DLGAP2: variants seen among roughly 807,000 people sequenced by gnomAD.
DLGAP2 encodes DLG associated protein 2.
Under a neutral mutation model 100.3 loss-of-function variants are expected in DLGAP2, and 26 were observed. The ratio of observed to expected loss-of-function variants is 0.26; its 90% CI spans 0.19 to 0.36. DLGAP2 has a LOEUF of 0.36. DLGAP2 is among the 10% of genes least tolerant of loss of function. The probability of loss-of-function intolerance (pLI) is 1.00; values close to 1 mark genes in which losing one functional copy is unlikely to be tolerated. For missense variants in DLGAP2, 1,858 were observed against 1,453.2 expected, an observed-to-expected ratio of 1.28 and a Z score of -4.53; for synonymous variants, 886 against 630.1, an observed-to-expected ratio of 1.41 and a Z score of -6.08.
chr8:1,666,098 G>A (rs1585045506), intron 8 of DLGAP2, among the ~76,000 whole-genome samples: 1 of 152,276 alleles, frequency 6.6e-6, no homozygotes, highest in East Asian at 1.9e-4. Flanking sequence ...TCCTAACCCA[G>A]GTCTCTCCCC....
At chr8:1,649,022 C>T (rs1219703761) in intron 8 of DLGAP2, among the ~76,000 whole-genome samples, 4 of 152,118 alleles carry the variant, frequency 2.6e-5, no homozygotes, top group Non-Finnish European at 4.4e-5. Context: ...GAACACATGT[C>T]TGGGGAGAGG....
chr8:1,200,188 A>G (rs111393270), intron 2 of DLGAP2, among the ~76,000 whole-genome samples: 8 of 152,106 alleles, frequency 5.3e-5, no homozygotes, highest in African/African-American at 1.9e-4. Context: ...TCTCCTCCCC[A>G]CCGTGCAGCA....
intron 2 of DLGAP2, among the ~76,000 whole-genome samples, chr8:1,166,323 ATAATTATCCTC>A (rs1366044295): frequency 6.6e-5 from 10 of 152,222 alleles, no homozygotes; most frequent in African/African-American, 2.4e-4. Flanking sequence ...GCCCCGGCCT[ATAATTATCCTC>A]TTCATTCAGG....
chr8:835,128 C>A (rs1796849754), intron 1 of DLGAP2, among the ~76,000 whole-genome samples: 1 of 152,174 alleles, frequency 6.6e-6, no homozygotes, highest in Admixed American at 6.5e-5. Context: ...GGGCTGCTTT[C>A]ATATGGATGG....
chr8:942,512 T>C (rs1563105677), intron 2 of DLGAP2, among the ~76,000 whole-genome samples: 1 of 152,264 alleles, frequency 6.6e-6, no homozygotes, highest in Non-Finnish European at 1.5e-5. Flanking sequence ...CCAGCTCTCC[T>C]GGGCTTGGAC....
chr8:1,170,626 C>T (rs1399621464), intron 2 of DLGAP2, among the ~76,000 whole-genome samples: 11 of 137,434 alleles, frequency 8.0e-5, no homozygotes, highest in Admixed American at 1.5e-4. Context: ...GTGTATGTGT[C>T]GAGGAATGTA....
chr8:1,065,306 G>A (rs1803211926), intron 2 of DLGAP2, among the ~76,000 whole-genome samples: 1 of 152,242 alleles, frequency 6.6e-6, no homozygotes, highest in Admixed American at 6.5e-5. Flanking sequence ...ACAACTGGCA[G>A]TAAAATTCGC....
intron 1 of DLGAP2, among the ~76,000 whole-genome samples, chr8:863,183 C>A (rs1313227422): frequency 6.6e-6 from 1 of 152,142 alleles, no homozygotes; most frequent in Non-Finnish European, 1.5e-5. Flanking sequence ...GTTAAGGGAC[C>A]AGCCTATTTT....
chr8:1,445,873 C>G (rs562821371), intron 3 of DLGAP2, among the ~76,000 whole-genome samples: 1 of 152,318 alleles, frequency 6.6e-6, no homozygotes, highest in African/African-American at 2.4e-5. Flanking sequence ...TGGTTTTTGG[C>G]TGCATAAATG....
chr8:1,201,628 T>G (rs1235571944), intron 2 of DLGAP2, among the ~76,000 whole-genome samples: 1 of 152,148 alleles, frequency 6.6e-6, no homozygotes, highest in African/African-American at 2.4e-5. Flanking sequence ...CACACAGGGA[T>G]TTACACACTC....
chr8:1,174,782 C>G (rs1205011034), intron 2 of DLGAP2, among the ~76,000 whole-genome samples: 2 of 152,126 alleles, frequency 1.3e-5, no homozygotes, highest in South Asian at 2.1e-4. Flanking sequence ...GTCATCATCA[C>G]CACCATCATT....
chr8:1,173,293 T>TG (rs1301582285), intron 2 of DLGAP2, among the ~76,000 whole-genome samples: 1 of 152,172 alleles, frequency 6.6e-6, no homozygotes, highest in Admixed American at 6.5e-5. Context: ...CTGCCCCTAC[T>TG]GGGGGGTGCC....
At chr8:1,522,015 G>A (rs1391841679) in intron 4 of DLGAP2, among the ~76,000 whole-genome samples, 1 of 142,596 alleles carries the variant, frequency 7.0e-6, no homozygotes, top group Non-Finnish European at 1.6e-5. Flanking sequence ...AATACTCGGG[G>A]GCAGGTGATT....
At chr8:827,546 A>T (rs1037870016) in intron 1 of DLGAP2, among the ~76,000 whole-genome samples, 2 of 152,220 alleles carry the variant, frequency 1.3e-5, no homozygotes, top group Admixed American at 1.3e-4. Flanking sequence ...TGCAATCTTC[A>T]TGCAGAACTT....
At chr8:1,513,500 C>T (rs887205282) in intron 4 of DLGAP2, among the ~76,000 whole-genome samples, 2 of 152,240 alleles carry the variant, frequency 1.3e-5, no homozygotes, top group South Asian at 2.1e-4. Flanking sequence ...CTCAGAGGGG[C>T]CGTCACCCCC....
At chr8:1,447,943 CT>C (rs1321298399) in intron 3 of DLGAP2, among the ~76,000 whole-genome samples, 7 of 152,070 alleles carry the variant, frequency 4.6e-5, no homozygotes, top group African/African-American at 1.7e-4. Flanking sequence ...TCCCCTTTAT[CT>C]TTTTTTATTG....
chr8:979,092 TC>T (rs1449995119), intron 2 of DLGAP2, among the ~76,000 whole-genome samples: 1 of 152,006 alleles, frequency 6.6e-6, no homozygotes, highest in Non-Finnish European at 1.5e-5. Flanking sequence ...CATTAAGAAT[TC>T]TAAATTGGGG....
intron 3 of DLGAP2, among the ~76,000 whole-genome samples, chr8:1,433,738 C>CTTTTTTTTTTTTTTT (rs3052055): frequency 1.6e-5 from 2 of 124,218 alleles, no homozygotes; most frequent in East Asian, 2.6e-4. Context: ...GCAAAACTGG[C>CTTTTTTTTTTTTTTT]TTTTTTTTTT....
intron 3 of DLGAP2, among the ~76,000 whole-genome samples, chr8:1,463,297 C>T (rs1234955877): frequency 1.3e-5 from 2 of 152,186 alleles, no homozygotes; most frequent in African/African-American, 2.4e-5. Flanking sequence ...AGACAAGCGG[C>T]CCCAGCGTTT....
Sources: allele counts gnomAD v4.1 joint callset (sites outside exome capture counted in the v4.1 genomes callset), GRCh38; gene constraint gnomAD v4.1.1; transcripts MANE v1.5; gene names NCBI Gene and HGNC (gene_info 2026-07-23, HGNC 2026-07-21).